MPRIP: variants seen among roughly 807,000 people sequenced by gnomAD.
MPRIP encodes the protein myosin phosphatase Rho interacting protein, also known as myosin phosphatase Rho-interacting protein.
A neutral mutation model predicts 234.9 loss-of-function variants in MPRIP; 59 were observed. The observed-to-expected ratio is 0.25, with a 90% CI of 0.20 to 0.31. The LOEUF is 0.31. Ranked by LOEUF, MPRIP falls within the 10% of genes least tolerant of loss-of-function variation. The pLI is 1.00. For synonymous variants in MPRIP, 1,144 were observed against 1,263.9 expected, an observed-to-expected ratio of 0.91 and a Z score of 2.01; for missense variants, 2,436 against 3,071.0, an observed-to-expected ratio of 0.79 and a Z score of 4.89.
At chr17:17,095,506 T>C (rs535113204) in intron 3 of MPRIP, among the ~76,000 whole-genome samples, 40 of 152,268 alleles carry the variant, frequency 2.6e-4, no homozygotes, top group African/African-American at 9.4e-4. Context: ...AGGAATTCTC[T>C]CATCTCCAAT....
chr17:17,048,803 C>G (rs56028083), intron 1 of MPRIP, among the ~76,000 whole-genome samples: 13,044 of 152,234 alleles, frequency 0.086, 706 homozygotes, highest in Middle Eastern at 0.16. Flanking sequence ...TAAAACCTAC[C>G]ACGTGAGCCA....
At position 17,165,915 on chromosome 17, in the gene MPRIP, G is replaced by T; in HGVS notation, c.4324G>T (p.Ala1442Ser). Residue 1442 changes from alanine to serine, a missense_variant, in exon 16 of 24, where the codon GCA becomes TCA. Physicochemically the swap from Ala to Ser is moderately conservative, Grantham distance 99. Around this residue, in one of 4 missense-constraint regions of MPRIP, gnomAD observed 1,998 missense variants for 2,520.3 expected, o/e 0.79. Transcript: ENST00000651222. ...CCGCGCCAGCCTGCTCCAGGTTGGC[G>T]CACTGGCCTCCCAGCTGGAGCAGGA... is the stretch of plus-strand genomic sequence containing the variant. ...QLRASLLQVG[A>S]LASQLEQERQ... 7.7e-7 allele frequency: 1 copy of T among 1,304,006 alleles called. No homozygotes were observed. The highest frequency in any genetic ancestry group is 1.0e-6 in the Non-Finnish European group (1 of 988,806). The allele number at this position is 1,304,006 out of a possible 1,614,324, so 80.8% of individuals were successfully genotyped here. A position where few individuals can be genotyped will look rare whatever the true frequency, so the allele number is the denominator to read the frequency against.
chr17:17,146,958 C>A (rs990415128), intron 10 of MPRIP, among the ~76,000 whole-genome samples: 1 of 152,242 alleles, frequency 6.6e-6, no homozygotes, highest in Admixed American at 6.5e-5. Flanking sequence ...TTCACAGCCA[C>A]CTTTCCGTTC....
At chr17:17,052,483 C>G (rs935387109) in intron 1 of MPRIP, among the ~76,000 whole-genome samples, 2 of 152,112 alleles carry the variant, frequency 1.3e-5, no homozygotes, top group African/African-American at 4.8e-5. Context: ...ATGGAGCCGC[C>G]GAGACCTGGA....
At chr17:17,173,821 T>A (rs1567776492) in intron 18 of MPRIP, 95 bp from the exon 19 acceptor site, 1 of 1,417,452 alleles carries the variant, frequency 7.1e-7, no homozygotes. Flanking sequence ...GGGCCTGACC[T>A]GTGCTTGGCT....
intron 1 of MPRIP, among the ~76,000 whole-genome samples, chr17:17,049,558 G>T (rs1472131389): frequency 2.6e-5 from 4 of 151,274 alleles, no homozygotes; most frequent in Admixed American, 2.0e-4. Flanking sequence ...TTATCCTGGG[G>T]AACTCCTTCC....
chr17:17,140,677 C>T (rs2090794319), intron 7 of MPRIP, among the ~76,000 whole-genome samples: 1 of 152,194 alleles, frequency 6.6e-6, no homozygotes, highest in African/African-American at 2.4e-5. Context: ...TCTAGGCAAG[C>T]CTATCTGAAC....
chr17:17,138,128 C>T lies in MPRIP; in HGVS notation c.949C>T (p.Pro317Ser), dbSNP rs1469160690. Residue 317 changes from proline (P) to serine (S), a missense_variant, in exon 7 of 24, where the codon CCA becomes TCA. This residue lies in a region of MPRIP where 267 missense variants were observed against 252.7 expected (regional missense o/e 1.06). Transcript: ENST00000651222. The surrounding 1 kb of genome is among the most constrained non-coding windows in gnomAD (Gnocchi z 5.8). ...GGAGCTCGGTGGTCCTCTTCCTTCC[C>T]CAGGTCCTCGACTCCCCCACCAAAT... ...SQELGGPLPS[P>S]GPRLPHQMVC... is the part of the protein sequence containing the mutation. The T allele has an allele frequency of 6.7e-7, 1 of 1,485,910 alleles. No individual in the cohort carries two copies. The highest frequency in any genetic ancestry group is 9.1e-7 in the Non-Finnish European group (1 of 1,101,576). 92.0% of individuals were successfully genotyped at this position (1,485,910 alleles called of 1,614,324 possible).
At chr17:17,181,323 A>ATC (rs1445855679) in intron 23 of MPRIP, among the ~76,000 whole-genome samples, 1 of 151,994 alleles carries the variant, frequency 6.6e-6, no homozygotes, top group Non-Finnish European at 1.5e-5. Context: ...CAGTAGCTTG[A>ATC]TCTCGTTCAT....
chr17:17,123,720 A>G (rs942417514), intron 3 of MPRIP, among the ~76,000 whole-genome samples: 9 of 151,434 alleles, frequency 5.9e-5, no homozygotes, highest in South Asian at 2.1e-4. Context: ...AAAAAAAAAA[A>G]AAAAGAAAGA....
intron 3 of MPRIP, chr17:17,096,709 A>C (rs1383598027): frequency 2.1e-6 from 1 of 469,170 alleles, no homozygotes; most frequent in African/African-American, 2.0e-5. Flanking sequence ...TCTGGGGCTC[A>C]GCCCTGTCCT....
At chr17:17,056,641 G>A (rs35650871) in intron 1 of MPRIP, among the ~76,000 whole-genome samples, 64,777 of 151,582 alleles carry the variant, frequency 0.43, 16,623 homozygotes, top group East Asian at 0.7. Flanking sequence ...TGAAATTCAC[G>A]CAACATAAAA....
chr17:17,153,225 G>A (rs58064452), intron 12 of MPRIP, among the ~76,000 whole-genome samples: 64 of 152,260 alleles, frequency 4.2e-4, no homozygotes, highest in African/African-American at 1.5e-3. Flanking sequence ...GTGCTTTGTG[G>A]CACGTCAGGC....
At chr17:17,103,860 G>A (rs924515184) in intron 3 of MPRIP, among the ~76,000 whole-genome samples, 20 of 152,082 alleles carry the variant, frequency 1.3e-4, no homozygotes, top group African/African-American at 4.3e-4. Context: ...ATTTTAAGCC[G>A]AAGAACCAAA....
In MPRIP at chr17:17,042,892, A is replaced by T; in HGVS notation, c.44A>T (p.Asn15Ile). The T allele has an allele frequency of 6.2e-7, 1 of 1,609,274 alleles. No homozygotes were observed. Among genetic ancestry groups the T allele is most frequent in the African/African-American group, 1.3e-5 (1 of 74,856 alleles). The change falls in exon 1 of 24, where the codon AAC (asparagine) becomes ATC (isoleucine). Residue 15 changes from asparagine (N) to isoleucine (I), a missense_variant. Asn to Ile is a moderately radical substitution (Grantham distance 149). Transcript: ENST00000651222. The part of the protein sequence containing the change: ...KENPCRKFQA[N>I]IFNKSKCQNC... ...AACCCGTGCAGGAAATTCCAGGCCA[A>T]CATCTTCAACAAGAGCAAGTGTCAG...
In MPRIP at chr17:17,187,699, C is replaced by T. The variant is rs2046503576; in HGVS notation, c.*2805C>T. 6.6e-6 allele frequency: 1 copy of T among 152,276 alleles called. No individual in the cohort carries two copies. Among genetic ancestry groups the T allele is most frequent in the African/African-American group, 2.4e-5 (1 of 41,458 alleles). The allele number at this position is 152,276 out of a possible 1,614,324, so 9.4% of individuals were successfully genotyped here. On this transcript the variant is annotated 3_prime_UTR_variant, in exon 24 of 24. Coordinates refer to ENST00000651222, the MANE Select transcript of MPRIP (RefSeq NM_001364716.4). ...CTCTCTCCAGTTTCCTTCCTGCAGG[C>T]ATCCAAATACCCTGGAAGGGATTTA...
At chr17:17,085,223 T>C (rs2089558951) in intron 3 of MPRIP, among the ~76,000 whole-genome samples, 1 of 152,202 alleles carries the variant, frequency 6.6e-6, no homozygotes, top group Non-Finnish European at 1.5e-5. Context: ...CCTCCCGGGC[T>C]ATTCGGACCA....
In MPRIP at chr17:17,147,390, G is replaced by A. The variant is rs766936230; in HGVS notation, c.1629+3G>A. On this transcript the variant is annotated splice_donor_region_variant and intron_variant, in intron 11 of 23. Transcript: ENST00000651222. Reference sequence around the variant, plus strand: ...ACAGGGATTCAGTGGCTGAGGAGGTGAGTGTCTGGGCTTTGCCTCTGCTGT... The same window carrying A: ...ACAGGGATTCAGTGGCTGAGGAGGTAAGTGTCTGGGCTTTGCCTCTGCTGT... The A allele has an allele frequency of 2.5e-6, 4 of 1,614,132 alleles. No homozygotes were observed. Among genetic ancestry groups the A allele is most frequent in the South Asian group, 2.2e-5 (2 of 91,074 alleles).
chr17:17,127,737 A>C (rs2090520452), intron 4 of MPRIP, among the ~76,000 whole-genome samples: 2 of 152,248 alleles, frequency 1.3e-5, no homozygotes, highest in Non-Finnish European at 1.5e-5. Flanking sequence ...TGACTGTAGC[A>C]GTACAGAGTA....
Sources: gnomAD v4.1 joint callset for allele counts (sites outside exome capture counted in the v4.1 genomes callset) on GRCh38, gnomAD v4.1.1 for gene constraint, gnomAD v4.1.1 regional missense constraint, Gnocchi (gnomAD v3.1) non-coding constraint, MANE v1.5 for transcripts, NCBI Gene and HGNC (gene_info 2026-07-23, HGNC 2026-07-21) for gene names.